VPS13C: variants seen among roughly 807,000 people sequenced by gnomAD.
VPS13C encodes the protein vacuolar protein sorting 13 homolog C, also known as intermembrane lipid transfer protein VPS13C.
A neutral mutation model predicts 456.8 loss-of-function variants in VPS13C; 358 were observed. The observed-to-expected ratio is 0.78, with a 90% CI of 0.72 to 0.86. VPS13C has a LOEUF of 0.86. VPS13C is among the 40% of genes least tolerant of loss of function. The probability of loss-of-function intolerance (pLI) is 0.00; values close to 1 mark genes in which losing one functional copy is unlikely to be tolerated. For missense variants in VPS13C, 4,818 were observed against 4,385.4 expected, an observed-to-expected ratio of 1.10 and a Z score of -2.79; for synonymous variants, 1,578 against 1,486.7, an observed-to-expected ratio of 1.06 and a Z score of -1.41.
At chr15:62,049,688 T>C (rs1412899528) in intron 1 of VPS13C, among the ~76,000 whole-genome samples, 1 of 152,212 alleles carries the variant, frequency 6.6e-6, no homozygotes, top group Admixed American at 6.5e-5. Flanking sequence ...TAAATTACCT[T>C]GGGCAGTATG....
At chr15:62,033,309 T>C (rs1317578096) in intron 5 of VPS13C, 132 bp downstream of exon 5, 2 of 478,170 alleles carry the variant, frequency 4.2e-6, no homozygotes, top group Admixed American at 4.3e-5. Context: ...ATAAGCAATA[T>C]TTTGAGATTA....
At chr15:61,932,538 A>C (rs1198203853) in intron 49 of VPS13C, among the ~76,000 whole-genome samples, 1 of 151,450 alleles carries the variant, frequency 6.6e-6, no homozygotes, top group Non-Finnish European at 1.5e-5. Context: ...AAAAAAAAAA[A>C]CCCCAGCCAA....
chr15:61,855,043 CTATCT>C (rs1893830853), intron 83 of VPS13C, 89 bp from the exon 84 acceptor site: 1 of 1,047,958 alleles, frequency 9.5e-7, no homozygotes. Flanking sequence ...AATGTCAACT[CTATCT>C]TATAACAAGT....
In VPS13C at chr15:61,990,685, C is replaced by T. The variant is rs141606384; in HGVS notation, c.1578+315G>A. 3.9e-3 allele frequency among the ~76,000 whole-genome samples: 598 copies of T among 152,164 alleles called. 3 individuals carry two copies. The highest frequency in any genetic ancestry group is 0.011 in the East Asian group (56 of 5,174). Reference sequence around the variant, plus strand: ...AATTAGCCAGGCAGGGTGGCAGGTGCCTGTAATCCCAGCTACTCAGGAGGC... The same window carrying T: ...AATTAGCCAGGCAGGGTGGCAGGTGTCTGTAATCCCAGCTACTCAGGAGGC... On this transcript the variant is annotated intron_variant, in intron 18 of 84. Coordinates refer to ENST00000644861, the MANE Select transcript of VPS13C (RefSeq NM_020821.3).
chr15:61,919,406 T>C lies in VPS13C; in HGVS notation c.7521A>G (p.Arg2507=). ...GTACATTATACAATCGCCGTCCAGGTCTGGCCACAGGGATATTTGCAACTT... is the reference window on the plus strand; with the variant it reads ...GTACATTATACAATCGCCGTCCAGGCCTGGCCACAGGGATATTTGCAACTT... The part of the protein sequence containing the change: ...YTEVANIPVA[R]PGRRLYNVRN... Residue 2507 remains arginine (R), a synonymous_variant, in exon 58 of 85, where the codon AGA becomes AGG. Coordinates refer to ENST00000644861, the MANE Select transcript of VPS13C (RefSeq NM_020821.3). 6.3e-7 allele frequency: 1 copy of C among 1,597,918 alleles called. No homozygotes were observed. The highest frequency in any genetic ancestry group is 8.5e-7 in the Non-Finnish European group (1 of 1,173,400).
At position 61,853,773 on chromosome 15, in the gene VPS13C, T is replaced by G. The variant is rs1893762674; in HGVS notation, c.*684A>C. The G allele has an allele frequency of 6.6e-6, 1 of 152,132 alleles. No individual in the cohort carries two copies. Among genetic ancestry groups the G allele is most frequent in the African/African-American group, 2.4e-5 (1 of 41,406 alleles). 9.4% of individuals were successfully genotyped at this position (152,132 alleles called of 1,614,324 possible). A position where few individuals can be genotyped will look rare whatever the true frequency, so the allele number is the denominator to read the frequency against. On this transcript the variant is annotated 3_prime_UTR_variant, in exon 85 of 85. Transcript: ENST00000644861. ...CCTTTTGGCGGGCCGTGGTGGCTCA[T>G]GCCTGTAATCCCAGCACTTTGGGAG... is the stretch of plus-strand genomic sequence containing the variant.
chr15:61,920,355 G>A (rs1166826490), intron 56 of VPS13C, 24 bp from the exon 57 acceptor site: 3 of 1,539,778 alleles, frequency 1.9e-6, no homozygotes, highest in Non-Finnish European at 2.6e-6. Context: ...TATCATCACA[G>A]TAAAATTTTT....
chr15:61,857,075 T>A (rs1262206092), intron 82 of VPS13C, among the ~76,000 whole-genome samples: 1 of 152,176 alleles, frequency 6.6e-6, no homozygotes, highest in Admixed American at 6.5e-5. Flanking sequence ...TCATTTTGAT[T>A]ACTGATATAA....
chr15:62,009,352 CAG>C (rs1028916975), intron 13 of VPS13C, among the ~76,000 whole-genome samples: 4 of 150,304 alleles, frequency 2.7e-5, no homozygotes, highest in African/African-American at 9.8e-5. Context: ...AACATGAAAG[CAG>C]AGAAGATTAA....
intron 1 of VPS13C, among the ~76,000 whole-genome samples, chr15:62,047,979 G>A (rs2048476095): frequency 6.6e-6 from 1 of 150,878 alleles, no homozygotes; most frequent in Non-Finnish European, 1.5e-5. Flanking sequence ...TAGTGCTATA[G>A]CCAGATCACC....
Position 61,963,895 on chromosome 15 carries a change from T to A in VPS13C, c.3271A>T (p.Asn1091Tyr). 1 of 1,612,676 alleles carries A rather than the reference T, an allele frequency of 6.2e-7. No individual in the cohort carries two copies. The stretch of plus-strand genomic sequence containing the variant: ...TTGCAAACAATGACACAGAAAGCAT[T>A]CAACTTGGCAAATAGCCTGAAATCA... ...IIDFRLFAKL[N>Y]AFCVIVCNEK... The change falls in exon 32 of 85, where the codon AAT (asparagine) becomes TAT (tyrosine). Residue 1091 changes from asparagine (N) to tyrosine (Y), a missense_variant. Physicochemically the swap from Asn to Tyr is moderately radical, Grantham distance 143 (BLOSUM62 -2). Transcript: ENST00000644861.
chr15:61,916,143 A>C lies in VPS13C; in HGVS notation c.8056-121T>G, dbSNP rs2043465789. On this transcript the variant is annotated intron_variant, in intron 60 of 84. Transcript: ENST00000644861. ...ATGTAAACTGCTAAGTCTTCTGTGA[A>C]GTACCATGCTTACATATTACAAATG... is the stretch of plus-strand genomic sequence containing the variant. 3.5e-6 allele frequency: 4 copies of C among 1,136,302 alleles called. No homozygotes were observed. In the South Asian group the frequency reaches 6.7e-5, roughly 19 times the overall value. The allele number at this position is 1,136,302 out of a possible 1,614,324, so 70.4% of individuals were successfully genotyped here. A position where few individuals can be genotyped will look rare whatever the true frequency, so the allele number is the denominator to read the frequency against.
chr15:61,991,464 A>G (rs944631441), intron 17 of VPS13C, among the ~76,000 whole-genome samples: 1 of 152,248 alleles, frequency 6.6e-6, no homozygotes, highest in East Asian at 1.9e-4. Flanking sequence ...ATTATTTCAC[A>G]AACAAAAAAA....
At chr15:61,958,804 C>G in intron 36 of VPS13C, 88 bp from the exon 37 acceptor site, 1 of 649,938 alleles carries the variant, frequency 1.5e-6, no homozygotes, top group Non-Finnish European at 2.4e-6. Flanking sequence ...ATTTGCAACA[C>G]ATGAGGGACA....
chr15:61,910,065 A>G (rs1052804498), intron 64 of VPS13C, 112 bp downstream of exon 64: 3 of 496,314 alleles, frequency 6.0e-6, no homozygotes, highest in Admixed American at 5.8e-5. Flanking sequence ...AACATGGCAC[A>G]TGTATACATA....
intron 49 of VPS13C, among the ~76,000 whole-genome samples, chr15:61,932,548 A>C (rs114503497): frequency 0.02 from 3,056 of 151,870 alleles, 66 homozygotes; most frequent in South Asian, 0.07. Flanking sequence ...ACCCCAGCCA[A>C]TCAACAAAAA....
chr15:61,994,351 G>A (rs2046312481), intron 16 of VPS13C, among the ~76,000 whole-genome samples: 1 of 152,132 alleles, frequency 6.6e-6, no homozygotes, highest in East Asian at 1.9e-4. Context: ...TTATCCTCCG[G>A]TGATTCATTC....
intron 45 of VPS13C, among the ~76,000 whole-genome samples, chr15:61,944,877 C>T (rs2044551934): frequency 6.6e-6 from 1 of 152,172 alleles, no homozygotes; most frequent in Non-Finnish European, 1.5e-5. Flanking sequence ...GGCAGCCCCA[C>T]TAAGAAGAAT....
intron 26 of VPS13C, 29 bp from the exon 27 acceptor site, chr15:61,972,793 G>A (rs1284413650): frequency 6.3e-7 from 1 of 1,584,912 alleles, no homozygotes; most frequent in Non-Finnish European, 8.6e-7. Context: ...TATTTGATCT[G>A]AGACAATGTA....
Sources: gnomAD v4.1 joint callset for allele counts (sites outside exome capture counted in the v4.1 genomes callset) on GRCh38, gnomAD v4.1.1 for gene constraint, MANE v1.5 for transcripts, NCBI Gene and HGNC (gene_info 2026-07-23, HGNC 2026-07-21) for gene names.